The following SLC7A11 variants were observed in gnomAD, a reference collection of about 807,000 sequenced individuals.
SLC7A11 encodes the protein cystine/glutamate transporter.
Under a neutral mutation model 54.5 loss-of-function variants are expected in SLC7A11, and 35 were observed. That is an observed-to-expected ratio of 0.64 (90% CI 0.49 to 0.85). The LOEUF is 0.85. Among genes scored for constraint, SLC7A11 ranks in the 40% least tolerant of loss-of-function variants. SLC7A11 has a pLI of 0.00. For missense variants in SLC7A11, 583 were observed against 618.1 expected (o/e 0.94, Z 0.60); for synonymous variants, 230 against 225.2 (o/e 1.02, Z -0.19).
chr4:138,208,924 T>C (rs568841495), intron 6 of SLC7A11, among the ~76,000 whole-genome samples: 3 of 152,072 alleles, frequency 2.0e-5, no homozygotes, highest in Admixed American at 2.0e-4. Flanking sequence ...ACATTATAAA[T>C]GTAATCACAC....
chr4:138,215,998 G>A (rs1737671024), intron 5 of SLC7A11, among the ~76,000 whole-genome samples: 2 of 152,168 alleles, frequency 1.3e-5, no homozygotes, highest in Admixed American at 6.6e-5. Context: ...GCTTGGAGCA[G>A]GATGGTGAGT....
chr4:138,173,380 A>G (rs549938165), intron 11 of SLC7A11, among the ~76,000 whole-genome samples: 2 of 152,200 alleles, frequency 1.3e-5, no homozygotes, highest in African/African-American at 2.4e-5. Flanking sequence ...CATGTCTGCA[A>G]TCCCAGCACT....
intron 6 of SLC7A11, among the ~76,000 whole-genome samples, chr4:138,203,273 A>C (rs1737331350): frequency 6.6e-6 from 1 of 152,082 alleles, no homozygotes; most frequent in Non-Finnish European, 1.5e-5. Context: ...TATCCCCTAA[A>C]TTGTGGCTAA....
At chr4:138,179,549 C>T (rs961680458) in intron 10 of SLC7A11, among the ~76,000 whole-genome samples, 155 bp from the exon 11 acceptor site, 1 of 152,164 alleles carries the variant, frequency 6.6e-6, no homozygotes, top group African/African-American at 2.4e-5. Context: ...AGCAAAATCT[C>T]TTTCATGGTG....
At chr4:138,205,989 G>A (rs571024628) in intron 6 of SLC7A11, among the ~76,000 whole-genome samples, 1 of 152,078 alleles carries the variant, frequency 6.6e-6, no homozygotes, top group East Asian at 1.9e-4. Flanking sequence ...AATAGTCATA[G>A]CAATTAGCAG....
chr4:138,172,902 G>A (rs894869170), intron 11 of SLC7A11, among the ~76,000 whole-genome samples: 3 of 152,152 alleles, frequency 2.0e-5, no homozygotes, highest in Non-Finnish European at 2.9e-5. Flanking sequence ...AGAGTGCAAT[G>A]GTGCGATCTC....
At chr4:138,193,463 T>C (rs1737059552) in intron 6 of SLC7A11, among the ~76,000 whole-genome samples, 1 of 152,150 alleles carries the variant, frequency 6.6e-6, no homozygotes, top group Non-Finnish European at 1.5e-5. Context: ...GTCATGTCTT[T>C]ACATCACTTT....
At chr4:138,210,652 C>T (rs1737524637) in intron 6 of SLC7A11, among the ~76,000 whole-genome samples, 2 of 152,038 alleles carry the variant, frequency 1.3e-5, no homozygotes, top group Admixed American at 6.6e-5. Context: ...AAATGTTCAA[C>T]ATCACTAATC....
rs76891597 is a variant in SLC7A11, at chr4:138,189,848, C to T, written c.792-4604G>A. Among the ~76,000 whole-genome samples the T allele has an allele frequency of 8.3e-3, 1,263 of 152,162 alleles. 20 individuals are homozygous for T. The highest frequency in any genetic ancestry group is 0.028 in the African/African-American group (1,156 of 41,528). On this transcript the variant is annotated intron_variant, in intron 6 of 11. Transcript: ENST00000280612. ...TTGCTATGAAAATGAAATGAGTAAA[C>T]CTAGCTTGATTCTCCAGAGAAGTCA...
chr4:138,204,417 A>C (rs1166474263), intron 6 of SLC7A11, among the ~76,000 whole-genome samples: 4 of 152,096 alleles, frequency 2.6e-5, no homozygotes, highest in African/African-American at 9.7e-5. Context: ...TAATGGGCTT[A>C]TATTTTTAAA....
At chr4:138,181,288 C>A (rs538808975) in intron 9 of SLC7A11, among the ~76,000 whole-genome samples, 22 of 152,062 alleles carry the variant, frequency 1.4e-4, no homozygotes, top group African/African-American at 4.6e-4. Flanking sequence ...TCTGTTGGCT[C>A]TTGATTGCAA....
intron 5 of SLC7A11, among the ~76,000 whole-genome samples, chr4:138,217,612 T>C (rs1737709497): frequency 6.6e-6 from 1 of 152,224 alleles, no homozygotes. Context: ...TCTATCGTAC[T>C]CTCAGGCAAA....
intron 6 of SLC7A11, among the ~76,000 whole-genome samples, chr4:138,192,593 T>A (rs955761549): frequency 2.3e-4 from 35 of 151,308 alleles, no homozygotes; most frequent in Non-Finnish European, 4.4e-4. Context: ...GACTTTTTTG[T>A]AGCTTTTAAT....
intron 6 of SLC7A11, among the ~76,000 whole-genome samples, chr4:138,199,545 A>G (rs1318714197): frequency 1.3e-5 from 2 of 152,176 alleles, no homozygotes; most frequent in African/African-American, 2.4e-5. Flanking sequence ...ATACTGAAAC[A>G]GGATAATCAG....
chr4:138,202,142 A>G (rs1737299840), intron 6 of SLC7A11, among the ~76,000 whole-genome samples: 1 of 152,102 alleles, frequency 6.6e-6, no homozygotes, highest in Non-Finnish European at 1.5e-5. Flanking sequence ...TGGACCACAG[A>G]GGCTACAGAC....
intron 11 of SLC7A11, chr4:138,174,790 G>C (rs1007252489): frequency 6.6e-6 from 1 of 152,190 alleles, no homozygotes; most frequent in African/African-American, 2.4e-5. Flanking sequence ...TTCAGTAACT[G>C]TAAGGTACAG....
rs754957484 is a variant in SLC7A11, at chr4:138,223,287, C to A, written c.558G>T (p.Trp186Cys). Residue 186 changes from tryptophan (W) to cysteine (C), a missense_variant, in exon 4 of 12, where the codon TGG becomes TGT. Coordinates refer to ENST00000280612, the MANE Select transcript of SLC7A11 (RefSeq NM_014331.4). ...TTAAGAAAATCTGGATCCGGGCGCT[C>A]CAGCTGACACTCATGCTATTTAGGA... is the stretch of plus-strand genomic sequence containing the variant. ...VMVLNSMSVS[W>C]SARIQIFLTF... The A allele has an allele frequency of 6.2e-7, 1 of 1,613,664 alleles. No homozygotes were observed. The highest frequency in any genetic ancestry group is 8.5e-7 in the Non-Finnish European group (1 of 1,179,634).
chr4:138,227,385 A>G (rs955507869), intron 3 of SLC7A11, among the ~76,000 whole-genome samples: 5 of 152,186 alleles, frequency 3.3e-5, no homozygotes, highest in Non-Finnish European at 7.3e-5. Flanking sequence ...AGGTAGCAAC[A>G]AACCCTTTAA....
rs1384485771 is a variant in SLC7A11, at chr4:138,166,217, A to G, written c.*5739T>C. The G allele has an allele frequency of 2.6e-5, 4 of 152,182 alleles. No homozygotes were observed. The highest frequency in any genetic ancestry group is 5.9e-5 in the Non-Finnish European group (4 of 68,032). 9.4% of individuals were successfully genotyped at this position (152,182 alleles called of 1,614,324 possible). Reference sequence around the variant, plus strand: ...GTGTGATATGACTGTGCTTCCAAGTATGCATCTAATAAAGTTAGTTAGTAG... The same window carrying G: ...GTGTGATATGACTGTGCTTCCAAGTGTGCATCTAATAAAGTTAGTTAGTAG... On this transcript the variant is annotated 3_prime_UTR_variant, in exon 12 of 12. Transcript: ENST00000280612.
Sources: gnomAD v4.1 joint callset for allele counts (sites outside exome capture counted in the v4.1 genomes callset) on GRCh38, gnomAD v4.1.1 for gene constraint, MANE v1.5 for transcripts, NCBI Gene and HGNC (gene_info 2026-07-23, HGNC 2026-07-21) for gene names.